The following IL1RAPL1 variants were observed in gnomAD, a reference collection of about 807,000 sequenced individuals.
The protein encoded by IL1RAPL1 is interleukin-1 receptor accessory protein-like 1.
A neutral mutation model predicts 48.4 loss-of-function variants in IL1RAPL1; 3 were observed. The ratio of observed to expected loss-of-function variants is 0.06; its 90% CI spans 0.03 to 0.16. The LOEUF is 0.16. IL1RAPL1 is among the 10% of genes least tolerant of loss of function. The pLI is 1.00. For missense variants in IL1RAPL1, 349 were observed against 530.6 expected (o/e 0.66, Z 3.36); for synonymous variants, 185 against 187.7 (o/e 0.99, Z 0.12).
intron 2 of IL1RAPL1, among the ~76,000 whole-genome samples, chrX:28,992,515 AAAG>A (rs1489701972): frequency 1.8e-5 from 2 of 109,270 alleles, no homozygotes; most frequent in African/African-American, 6.6e-5. Context: ...AAAAAAAAAA[AAAG>A]AAGAAAAAAA....
At chrX:28,752,826 A>G (rs1235867806) in intron 1 of IL1RAPL1, among the ~76,000 whole-genome samples, 10 of 63,397 alleles carry the variant, frequency 1.6e-4, no homozygotes, top group African/African-American at 8.1e-4. Context: ...TTTCATTCCA[A>G]TTTCAGGCAT....
intron 2 of IL1RAPL1, among the ~76,000 whole-genome samples, chrX:29,183,317 T>C (rs1930183440): frequency 5.4e-5 from 6 of 111,877 alleles, no homozygotes. Flanking sequence ...TGAATCAATA[T>C]AGCTTTCTAG....
chrX:29,264,511 G>C lies in IL1RAPL1; in HGVS notation c.83-18427G>C, dbSNP rs199616131. On this transcript the variant is annotated intron_variant, in intron 2 of 10. Coordinates refer to ENST00000378993, the MANE Select transcript of IL1RAPL1 (RefSeq NM_014271.4). Reference sequence around the variant, plus strand: ...TTATCAGAAGTGGAAGAAGGGAAGTGACAAGAAAAGATTCAAAGTTGTTTT... The same window carrying C: ...TTATCAGAAGTGGAAGAAGGGAAGTCACAAGAAAAGATTCAAAGTTGTTTT... Among the ~76,000 whole-genome samples the C allele has an allele frequency of 1.8e-4, 20 of 110,881 alleles. No homozygotes were observed. The East Asian group carries it at 5.7e-3, about 31-fold the overall frequency.
chrX:28,998,268 G>GAA (rs1003012720), intron 2 of IL1RAPL1, among the ~76,000 whole-genome samples: 1 of 105,651 alleles, frequency 9.5e-6, no homozygotes, highest in South Asian at 4.0e-4. Context: ...GACTATTCAG[G>GAA]AAAAAAAAAA....
chrX:29,883,186 CTTG>C (rs1288161690), intron 6 of IL1RAPL1, among the ~76,000 whole-genome samples: 1 of 110,899 alleles, frequency 9.0e-6, no homozygotes, highest in African/African-American at 3.3e-5. Context: ...ATTCCTGTTC[CTTG>C]ACTTCCTGAT....
intron 6 of IL1RAPL1, among the ~76,000 whole-genome samples, chrX:29,703,166 T>G (rs1927100053): frequency 8.9e-6 from 1 of 111,735 alleles, no homozygotes; most frequent in East Asian, 2.8e-4. Context: ...CTGGATTTTA[T>G]ATATACGCAC....
rs750778861 is a variant in IL1RAPL1, at chrX:29,911,942, G to C, written c.779-5522G>C. The stretch of plus-strand genomic sequence containing the variant: ...TATAGTTGAGAAGAGATGTGCAGTA[G>C]TACACTATTGTATAGTATTTCCACC... On this transcript the variant is annotated intron_variant, in intron 6 of 10. Transcript: ENST00000378993. 2.7e-5 allele frequency among the ~76,000 whole-genome samples: 3 copies of C among 112,027 alleles called. No homozygotes were observed. The South Asian group carries it at 1.1e-3, about 42-fold the overall frequency.
intron 6 of IL1RAPL1, among the ~76,000 whole-genome samples, chrX:29,856,560 C>T (rs1346274005): frequency 1.8e-5 from 2 of 111,582 alleles, no homozygotes; most frequent in African/African-American, 6.5e-5. Flanking sequence ...TCTTTTGCTA[C>T]CAAATGAGTA....
chrX:29,725,381 T>A (rs180903457), intron 6 of IL1RAPL1, among the ~76,000 whole-genome samples: 3 of 111,390 alleles, frequency 2.7e-5, no homozygotes, highest in East Asian at 5.7e-4. Flanking sequence ...CCCTCATGGT[T>A]GCAAGGAAAA....
chrX:29,635,434 G>A (rs191197780), intron 5 of IL1RAPL1, among the ~76,000 whole-genome samples: 1 of 111,884 alleles, frequency 8.9e-6, no homozygotes, highest in Non-Finnish European at 1.9e-5. Flanking sequence ...TCAAAGTTTC[G>A]AGAGACAATT....
At chrX:29,363,470 T>C (rs1454464251) in intron 3 of IL1RAPL1, among the ~76,000 whole-genome samples, 1 of 111,940 alleles carries the variant, frequency 8.9e-6, no homozygotes, top group Non-Finnish European at 1.9e-5. Context: ...TTTTTGTATT[T>C]GCATAGATTA....
At chrX:29,654,429 C>A (rs1925610267) in intron 5 of IL1RAPL1, among the ~76,000 whole-genome samples, 1 of 112,171 alleles carries the variant, frequency 8.9e-6, no homozygotes, top group South Asian at 3.7e-4. Context: ...TTAATGGACT[C>A]ACAATTCCAA....
At chrX:29,517,970 G>A (rs1172032345) in intron 5 of IL1RAPL1, among the ~76,000 whole-genome samples, 1 of 111,842 alleles carries the variant, frequency 8.9e-6, no homozygotes, top group African/African-American at 3.3e-5. Context: ...TTTTTCCAGA[G>A]AGAAGAGGAA....
At chrX:29,203,754 T>TAG (rs1433241043) in intron 2 of IL1RAPL1, among the ~76,000 whole-genome samples, 7 of 66,187 alleles carry the variant, frequency 1.1e-4, no homozygotes, top group African/African-American at 3.5e-4. Context: ...TATATATATA[T>TAG]ATATATAGTT....
At chrX:28,925,650 G>T (rs1399938908) in intron 2 of IL1RAPL1, among the ~76,000 whole-genome samples, 1 of 112,109 alleles carries the variant, frequency 8.9e-6, no homozygotes, top group Admixed American at 9.4e-5. Flanking sequence ...AAAGGGGCCA[G>T]GTGCGGTGGC....
intron 3 of IL1RAPL1, among the ~76,000 whole-genome samples, chrX:29,370,795 T>C (rs1333674463): frequency 9.0e-6 from 1 of 110,926 alleles, no homozygotes; most frequent in Non-Finnish European, 1.9e-5. Flanking sequence ...AACCTCACAA[T>C]AATAGAGTTG....
At chrX:29,202,601 A>C (rs1930577592) in intron 2 of IL1RAPL1, among the ~76,000 whole-genome samples, 1 of 112,015 alleles carries the variant, frequency 8.9e-6, no homozygotes, top group Admixed American at 9.5e-5. Context: ...AAGTCATGGA[A>C]TCAACCTACA....
chrX:29,355,501 G>A (rs1280192529), intron 3 of IL1RAPL1, among the ~76,000 whole-genome samples: 1 of 112,394 alleles, frequency 8.9e-6, no homozygotes, highest in Non-Finnish European at 1.9e-5. Context: ...AATACTTGTA[G>A]CATAAAGATA....
At chrX:29,382,197 A>G (rs748652373) in intron 3 of IL1RAPL1, among the ~76,000 whole-genome samples, 1 of 111,556 alleles carries the variant, frequency 9.0e-6, no homozygotes, top group South Asian at 3.7e-4. Flanking sequence ...CATATGAAGA[A>G]TAATTTGGGA....
Sources: allele counts gnomAD v4.1 joint callset (sites outside exome capture counted in the v4.1 genomes callset), GRCh38; gene constraint gnomAD v4.1.1; transcripts MANE v1.5; gene names NCBI Gene and HGNC (gene_info 2026-07-23, HGNC 2026-07-21).